Variants in ZMYM4 observed in about 807,000 individuals in gnomAD.
ZMYM4 encodes the protein zinc finger MYM-type protein 4.
A neutral mutation model predicts 183.2 loss-of-function variants in ZMYM4; 31 were observed. That is an observed-to-expected ratio of 0.17 (90% CI 0.13 to 0.23). The LOEUF (loss-of-function observed/expected upper bound fraction) is 0.23, where lower values mean the gene tolerates loss of function less well. ZMYM4 is among the 10% of genes least tolerant of loss of function. The probability of loss-of-function intolerance (pLI) is 1.00; values close to 1 mark genes in which losing one functional copy is unlikely to be tolerated. For synonymous variants in ZMYM4, 592 were observed against 631.2 expected, an observed-to-expected ratio of 0.94 and a Z score of 0.93; for missense variants, 1,273 against 1,840.3, an observed-to-expected ratio of 0.69 and a Z score of 5.64.
rs537197553 is a variant in ZMYM4, at chr1:35,389,519, C to G, written c.2437-429C>G. 6.6e-5 allele frequency among the ~76,000 whole-genome samples: 10 copies of G among 152,148 alleles called. 1 individual carries two copies. In the South Asian group the frequency reaches 2.1e-3, roughly 32 times the overall value. ...CCTGTAATCCCAGCACTTTGGGAGG[C>G]CGAGGCGGGTGGATCATGAGGTTAG... On this transcript the variant is annotated intron_variant, in intron 14 of 29. Transcript: ENST00000314607. This position sits in a 1 kb window ranked among gnomAD's most constrained non-coding sequence, Gnocchi z 4.0.
Position 35,270,847 on chromosome 1 carries a change from T to C in ZMYM4, c.39+1762T>C, listed in dbSNP as rs79612191. ...ATATTTACCCCTCTATCCCTCTTTC[T>C]GTTCATCAGTCGTGTTATTTTAATG... On this transcript the variant is annotated intron_variant, in intron 1 of 29. Coordinates refer to ENST00000314607, the MANE Select transcript of ZMYM4 (RefSeq NM_005095.3). Among the ~76,000 whole-genome samples the C allele has an allele frequency of 3.2e-3, 490 of 152,316 alleles. 4 individuals carry two copies. Among genetic ancestry groups the C allele is most frequent in the African/African-American group, 0.011 (473 of 41,570 alleles).
intron 5 of ZMYM4, among the ~76,000 whole-genome samples, chr1:35,367,040 A>AG (rs1179415272): frequency 6.6e-6 from 1 of 151,824 alleles, no homozygotes; most frequent in African/African-American, 2.4e-5. Flanking sequence ...AAAAAAAAAA[A>AG]ATTGAGATTT....
At position 35,392,646 on chromosome 1, in the gene ZMYM4, G is replaced by A; in HGVS notation, c.2729-1G>A. 1 of 1,591,944 alleles carries A rather than the reference G, an allele frequency of 6.3e-7. No individual in the cohort carries two copies. Among genetic ancestry groups the A allele is most frequent in the Non-Finnish European group, 8.5e-7 (1 of 1,173,002 alleles). On this transcript the variant is annotated splice_acceptor_variant, in intron 16 of 29. Coordinates refer to ENST00000314607, the MANE Select transcript of ZMYM4 (RefSeq NM_005095.3). LOFTEE classifies it high-confidence loss of function. The stretch of plus-strand genomic sequence containing the variant: ...AAATTTATGTTTTAATTTATATCAA[G>A]GTGCAGTTCCAACAGTAACAGCGAA...
chr1:35,324,083 T>C (rs2148818076), intron 1 of ZMYM4, among the ~76,000 whole-genome samples: 1 of 150,834 alleles, frequency 6.6e-6, no homozygotes, highest in Non-Finnish European at 1.5e-5. Flanking sequence ...GGATGTATCC[T>C]TTTTTTTTGT....
At chr1:35,298,275 G>T (rs768738478) in intron 1 of ZMYM4, among the ~76,000 whole-genome samples, 3 of 152,276 alleles carry the variant, frequency 2.0e-5, no homozygotes, top group Non-Finnish European at 4.4e-5. Flanking sequence ...GGACATACTG[G>T]TGTGCACCTA....
rs531091770 is a variant in ZMYM4, at chr1:35,287,145, C to T, written c.39+18060C>T. ...TTCTCCTCTTGAATTGCTCTTTTTG[C>T]GTGCTCAATAAGTGTTATTCCCTCA... On this transcript the variant is annotated intron_variant, in intron 1 of 29. Coordinates refer to ENST00000314607, the MANE Select transcript of ZMYM4 (RefSeq NM_005095.3). Among the ~76,000 whole-genome samples, 12 of 151,354 alleles carry T rather than the reference C, an allele frequency of 7.9e-5. No homozygotes were observed. The Middle Eastern group carries it at 0.01, about 131-fold the overall frequency.
At chr1:35,382,562 C>G (rs991935645) in intron 9 of ZMYM4, among the ~76,000 whole-genome samples, 2 of 151,544 alleles carry the variant, frequency 1.3e-5, no homozygotes, top group African/African-American at 4.9e-5. Context: ...CCTGCCTCAG[C>G]CTCCCAAGTA....
chr1:35,404,514 CT>C (rs199664820), intron 23 of ZMYM4, among the ~76,000 whole-genome samples: 1 of 151,992 alleles, frequency 6.6e-6, no homozygotes, highest in Non-Finnish European at 1.5e-5. Flanking sequence ...TTTCATTTTC[CT>C]TTAAGTTCAA....
intron 16 of ZMYM4, 49 bp from the exon 17 acceptor site, chr1:35,392,598 G>A: frequency 1.3e-6 from 2 of 1,518,322 alleles, no homozygotes; most frequent in Non-Finnish European, 1.8e-6. Flanking sequence ...TAATGCTAAT[G>A]TTAAAATAAT....
intron 1 of ZMYM4, among the ~76,000 whole-genome samples, chr1:35,299,834 G>T (rs1348398236): frequency 2.0e-5 from 3 of 150,188 alleles, no homozygotes; most frequent in African/African-American, 7.4e-5. Flanking sequence ...TTGCTCTGTT[G>T]CCCAGGCTGG....
At chr1:35,366,262 T>G (rs998299088) in intron 5 of ZMYM4, among the ~76,000 whole-genome samples, 1 of 152,198 alleles carries the variant, frequency 6.6e-6, no homozygotes, top group Admixed American at 6.5e-5. Flanking sequence ...CAGACATTTC[T>G]TAGAATAGAT....
At chr1:35,304,314 G>A (rs995613222) in intron 1 of ZMYM4, among the ~76,000 whole-genome samples, 4 of 152,004 alleles carry the variant, frequency 2.6e-5, no homozygotes, top group South Asian at 2.1e-4. Flanking sequence ...GTGAGCCACC[G>A]CGCCCGGCCA....
chr1:35,407,149 GC>G (rs1372887383), intron 25 of ZMYM4, among the ~76,000 whole-genome samples: 2 of 152,086 alleles, frequency 1.3e-5, no homozygotes, highest in Non-Finnish European at 2.9e-5. Flanking sequence ...AAGTTAAACA[GC>G]TGGTCGGGTG....
intron 2 of ZMYM4, among the ~76,000 whole-genome samples, chr1:35,343,550 G>C (rs1469943759): frequency 6.6e-6 from 1 of 151,978 alleles, no homozygotes; most frequent in Non-Finnish European, 1.5e-5. Flanking sequence ...ACACTGTCTT[G>C]GTTAATTTAG....
chr1:35,390,145 G>A, intron 15 of ZMYM4, 47 bp downstream of exon 15: 1 of 1,571,292 alleles, frequency 6.4e-7, no homozygotes, highest in Non-Finnish European at 8.7e-7. Flanking sequence ...TCAATACTAG[G>A]AACTACTGTT....
rs183314819 is a variant in ZMYM4 at position 35,269,688 on chromosome 1, C to T, written c.39+603C>T. Among the ~76,000 whole-genome samples the T allele has an allele frequency of 3.4e-3, 523 of 152,298 alleles. 2 individuals carry two copies. The highest frequency in any genetic ancestry group is 4.9e-3 in the Non-Finnish European group (330 of 68,032). On this transcript the variant is annotated intron_variant, in intron 1 of 29. Coordinates refer to ENST00000314607, the MANE Select transcript of ZMYM4 (RefSeq NM_005095.3). ...TGTCATGTTCTAGCCTAGCCTCTTA[C>T]TCGCAATTAGGGACTTGGAAGAATA...
At chr1:35,358,856 C>A in intron 2 of ZMYM4, 69 bp from the exon 3 acceptor site, 1 of 1,301,636 alleles carries the variant, frequency 7.7e-7, no homozygotes, top group Non-Finnish European at 1.1e-6. Context: ...GGTTAAATAC[C>A]AGACTGACCT....
At chr1:35,399,459 G>A (rs770162733) in intron 22 of ZMYM4, 23 bp from the exon 23 acceptor site, 7 of 1,605,294 alleles carry the variant, frequency 4.4e-6, no homozygotes, top group East Asian at 4.5e-5. Flanking sequence ...ACCTCATGTT[G>A]TCCTTTCTGC....
intron 1 of ZMYM4, among the ~76,000 whole-genome samples, chr1:35,304,817 A>G (rs1048649778): frequency 8.7e-5 from 13 of 148,628 alleles, no homozygotes; most frequent in Non-Finnish European, 1.8e-4. Flanking sequence ...TCCAGCATAT[A>G]GTGTATCTTG....
Sources: gnomAD v4.1 joint callset for allele counts (sites outside exome capture counted in the v4.1 genomes callset) on GRCh38, gnomAD v4.1.1 for gene constraint, Gnocchi (gnomAD v3.1) non-coding constraint, MANE v1.5 for transcripts, NCBI Gene and HGNC (gene_info 2026-07-23, HGNC 2026-07-21) for gene names.